KIAA1958: variants seen among roughly 807,000 people sequenced by gnomAD.
The protein encoded by KIAA1958 is KIAA1958.
In KIAA1958, 14 loss-of-function variants were observed where a neutral mutation model predicts 47.2. The observed-to-expected ratio is 0.30, with a 90% CI of 0.20 to 0.46. The LOEUF (loss-of-function observed/expected upper bound fraction) is 0.46, where lower values mean the gene tolerates loss of function less well. Ranked by LOEUF, KIAA1958 falls within the 20% of genes least tolerant of loss-of-function variation. The probability of loss-of-function intolerance (pLI) is 1.00; values close to 1 mark genes in which losing one functional copy is unlikely to be tolerated. For synonymous variants in KIAA1958, 354 were observed against 353.3 expected (o/e 1.00, Z -0.02); for missense variants, 803 against 909.2 (o/e 0.88, Z 1.50).
At chr9:112,545,884 C>G (rs1835023389) in intron 1 of KIAA1958, among the ~76,000 whole-genome samples, 1 of 103,296 alleles carries the variant, frequency 9.7e-6, no homozygotes, top group Non-Finnish European at 1.9e-5. Flanking sequence ...ATTCTTGGAT[C>G]TTGGCCTTTA....
intron 1 of KIAA1958, among the ~76,000 whole-genome samples, chr9:112,504,617 G>T (rs1285673749): frequency 6.6e-6 from 1 of 152,058 alleles, no homozygotes; most frequent in African/African-American, 2.4e-5. Flanking sequence ...ATCCAGCACT[G>T]GAGTGATTTT....
intron 2 of KIAA1958, among the ~76,000 whole-genome samples, chr9:112,604,916 A>G (rs1266265961): frequency 6.8e-6 from 1 of 147,788 alleles, no homozygotes; most frequent in Admixed American, 6.8e-5. Flanking sequence ...TTTATATACT[A>G]TATAAATACA....
chr9:112,527,849 A>T (rs1280105564), intron 1 of KIAA1958, among the ~76,000 whole-genome samples: 1 of 151,526 alleles, frequency 6.6e-6, no homozygotes, highest in African/African-American at 2.4e-5. Flanking sequence ...AGGTGGAAGG[A>T]TCACTTGAAC....
At chr9:112,539,103 A>C (rs1186192779) in intron 1 of KIAA1958, among the ~76,000 whole-genome samples, 1 of 152,240 alleles carries the variant, frequency 6.6e-6, no homozygotes, top group Admixed American at 6.5e-5. Flanking sequence ...GTAGAAGTTT[A>C]AAATTATGCA....
intron 2 of KIAA1958, among the ~76,000 whole-genome samples, chr9:112,584,917 C>G (rs972048641): frequency 3.3e-5 from 5 of 152,190 alleles, no homozygotes; most frequent in Admixed American, 3.3e-4. Flanking sequence ...CAGGAGTAGT[C>G]TAAACTGCCG....
chr9:112,591,768 C>A (rs1399045267), intron 2 of KIAA1958, among the ~76,000 whole-genome samples: 2 of 152,050 alleles, frequency 1.3e-5, no homozygotes, highest in African/African-American at 2.4e-5. Flanking sequence ...TAGTGTGTGC[C>A]TGTGGTCCTA....
At position 112,486,882 on chromosome 9, in the gene KIAA1958, G is replaced by A. The variant is rs1191037598; in HGVS notation, c.-261G>A. ...GCGCGCGGAGCTCGGGGCGCACGGA[G>A]CGGCGCGCGGCGGTCGGCCGAGCCA... On this transcript the variant is annotated 5_prime_UTR_variant, in exon 1 of 4. Transcript: ENST00000337530. 2.1e-5 allele frequency: 3 copies of A among 142,316 alleles called. No individual in the cohort carries two copies. The highest frequency in any genetic ancestry group is 4.7e-5 in the Non-Finnish European group (3 of 64,290). 8.8% of individuals were successfully genotyped at this position (142,316 alleles called of 1,614,324 possible).
At chr9:112,624,683 A>T (rs989919671) in intron 2 of KIAA1958, among the ~76,000 whole-genome samples, 41 of 152,120 alleles carry the variant, frequency 2.7e-4, no homozygotes, top group African/African-American at 9.4e-4. Context: ...AGCTTGAAAA[A>T]TTTTTTTTAA....
At chr9:112,499,687 T>A (rs1013973753) in intron 1 of KIAA1958, among the ~76,000 whole-genome samples, 1 of 150,654 alleles carries the variant, frequency 6.6e-6, no homozygotes, top group Non-Finnish European at 1.5e-5. Context: ...TACATTTTTT[T>A]CTTTTTTTTT....
chr9:112,645,854 C>T, intron 3 of KIAA1958, 32 bp downstream of exon 3: 1 of 1,594,144 alleles, frequency 6.3e-7, no homozygotes, highest in Non-Finnish European at 8.6e-7. Context: ...TTCTTTCAGC[C>T]AACTTCACTG....
In KIAA1958 at chr9:112,665,643, T is replaced by C. The variant is rs1374447216; in HGVS notation, c.*5574T>C. On this transcript the variant is annotated 3_prime_UTR_variant, in exon 4 of 4. Coordinates refer to ENST00000337530, the MANE Select transcript of KIAA1958 (RefSeq NM_133465.4). ...CAAGCCATACTGTGTCACCCCTCCATGTATTCTCTTACTAAATGATTGCTC... is the reference window on the plus strand; with the variant it reads ...CAAGCCATACTGTGTCACCCCTCCACGTATTCTCTTACTAAATGATTGCTC... 1.3e-5 allele frequency: 2 copies of C among 152,232 alleles called. No homozygotes were observed. Among genetic ancestry groups the C allele is most frequent in the Non-Finnish European group, 2.9e-5 (2 of 68,030 alleles). 9.4% of individuals were successfully genotyped at this position (152,232 alleles called of 1,614,324 possible). A position where few individuals can be genotyped will look rare whatever the true frequency, so the allele number is the denominator to read the frequency against.
At chr9:112,577,331 T>C (rs1835662917) in intron 2 of KIAA1958, among the ~76,000 whole-genome samples, 1 of 152,124 alleles carries the variant, frequency 6.6e-6, no homozygotes, top group Admixed American at 6.5e-5. Flanking sequence ...TTTTAATGAA[T>C]TATACTTTGA....
chr9:112,572,139 C>T (rs958314520), intron 1 of KIAA1958, among the ~76,000 whole-genome samples: 2 of 152,002 alleles, frequency 1.3e-5, no homozygotes, highest in African/African-American at 2.4e-5. Flanking sequence ...ACTCTGGGAG[C>T]TCATCTGTCA....
rs768489084 is a variant in KIAA1958 at position 112,545,825 on chromosome 9, GTTTTT to G, written c.-24-28215_-24-28211del. 5.4e-4 allele frequency among the ~76,000 whole-genome samples: 50 copies of G among 93,062 alleles called. No homozygotes were observed. The East Asian group carries it at 0.015, about 28-fold the overall frequency. The allele number at this position is 93,062 out of a possible 152,430, so 61.1% of individuals were successfully genotyped here. A position where few individuals can be genotyped will look rare whatever the true frequency, so the allele number is the denominator to read the frequency against. On this transcript the variant is annotated intron_variant, in intron 1 of 3. Transcript: ENST00000337530. The stretch of plus-strand genomic sequence containing the variant: ...TCTTTAGTGATACACAGGTTTCTTT[GTTTTT>G]TTTTTTTTTTTTTTTTAGTGAATTT...
At position 112,662,346 on chromosome 9, in the gene KIAA1958, A is replaced by T. The variant is rs1279479968; in HGVS notation, c.*2277A>T. The T allele has an allele frequency of 1.3e-5, 2 of 152,268 alleles. No homozygotes were observed. The highest frequency in any genetic ancestry group is 1.9e-4 in the East Asian group (1 of 5,200). 9.4% of individuals were successfully genotyped at this position (152,268 alleles called of 1,614,324 possible). A position where few individuals can be genotyped will look rare whatever the true frequency, so the allele number is the denominator to read the frequency against. On this transcript the variant is annotated 3_prime_UTR_variant, in exon 4 of 4. Transcript: ENST00000337530. ...GAAACAAGAGTGAGGAAGAAAACAC[A>T]GTCATCAAGTGCCAGCGTGTGCCAC...
chr9:112,592,247 G>A (rs910477552), intron 2 of KIAA1958, among the ~76,000 whole-genome samples: 21 of 152,276 alleles, frequency 1.4e-4, no homozygotes, highest in African/African-American at 4.8e-4. Flanking sequence ...TTAATTCTTT[G>A]AAAAGAAATT....
At chr9:112,627,733 G>GAGGGAGCGA (rs1472792344) in intron 2 of KIAA1958, among the ~76,000 whole-genome samples, 1 of 152,208 alleles carries the variant, frequency 6.6e-6, no homozygotes, top group Non-Finnish European at 1.5e-5. Context: ...CAGCCTGGGT[G>GAGGGAGCGA]AGGGAGCAAG....
chr9:112,592,464 G>A (rs561913477), intron 2 of KIAA1958, among the ~76,000 whole-genome samples: 2 of 152,274 alleles, frequency 1.3e-5, no homozygotes, highest in East Asian at 3.9e-4. Context: ...AATTACTTAA[G>A]CTTTCTGGTC....
intron 1 of KIAA1958, among the ~76,000 whole-genome samples, chr9:112,543,982 T>C (rs573508693): frequency 4.0e-4 from 61 of 152,352 alleles, no homozygotes; most frequent in African/African-American, 1.4e-3. Flanking sequence ...ACTATCTATT[T>C]TCCTTTTATT....
Sources: gnomAD v4.1 joint callset for allele counts (sites outside exome capture counted in the v4.1 genomes callset) on GRCh38, gnomAD v4.1.1 for gene constraint, MANE v1.5 for transcripts, NCBI Gene and HGNC (gene_info 2026-07-23, HGNC 2026-07-21) for gene names.